SYTL5: variants seen among roughly 807,000 people sequenced by gnomAD.
SYTL5 encodes synaptotagmin like 5.
In SYTL5, 34 loss-of-function variants were observed where a neutral mutation model predicts 55.9. The ratio of observed to expected loss-of-function variants is 0.61; its 90% CI spans 0.46 to 0.81. The LOEUF is 0.81. SYTL5 is among the 30% of genes least tolerant of loss of function. The pLI, the probability that SYTL5 is intolerant of heterozygous loss-of-function variation, is 0.00. For missense variants in SYTL5, 637 were observed against 546.7 expected (o/e 1.17, Z -1.65); for synonymous variants, 221 against 188.7 (o/e 1.17, Z -1.40).
intron 1 of SYTL5, among the ~76,000 whole-genome samples, chrX:38,009,961 T>C (rs1319433707): frequency 8.9e-6 from 1 of 112,028 alleles, no homozygotes; most frequent in Admixed American, 9.5e-5. Context: ...GAAGAATAAC[T>C]CAGTAGCAGA....
chrX:38,116,788 C>T (rs1047057982), intron 13 of SYTL5, among the ~76,000 whole-genome samples: 3 of 112,288 alleles, frequency 2.7e-5, no homozygotes, highest in African/African-American at 9.7e-5. Flanking sequence ...AGGGGACTAA[C>T]TAATGCAGCT....
In SYTL5 at chrX:38,106,703, G is replaced by A; in HGVS notation, c.1266G>A (p.Gly422=). ...LHISYCYKTG[G]LYIFVKNCRN... is the part of the protein sequence containing the mutation. ...TCAGCTACTGCTACAAAACTGGTGG[G>A]CTGTACATTTTTGTCAAGAATTGCA... is the stretch of plus-strand genomic sequence containing the variant. Residue 422 remains glycine, a synonymous_variant, in exon 11 of 17, where the codon GGG becomes GGA. Transcript: ENST00000297875. The A allele has an allele frequency of 8.3e-7, 1 of 1,208,266 alleles. No homozygotes were observed. The highest frequency in any genetic ancestry group is 1.1e-6 in the Non-Finnish European group (1 of 894,376).
the SYTL5 span, among the ~76,000 whole-genome samples, chrX:37,902,010 T>G: frequency 8.9e-6 from 1 of 112,427 alleles, no homozygotes; most frequent in Non-Finnish European, 1.9e-5. Context: ...AAATAGTATA[T>G]ATGTAATAGG....
At chrX:38,120,315 A>C in intron 13 of SYTL5, 43 bp from the exon 14 acceptor site, 1 of 967,794 alleles carries the variant, frequency 1.0e-6, no homozygotes, top group South Asian at 1.9e-5. Context: ...ATACTAAGCC[A>C]ATCATCCATA....
intron 3 of SYTL5, among the ~76,000 whole-genome samples, chrX:38,063,549 A>C (rs935102214): frequency 1.8e-5 from 2 of 111,674 alleles, no homozygotes; most frequent in Non-Finnish European, 3.8e-5. Flanking sequence ...GAATTAGAAC[A>C]TCTTGTTTTG....
the SYTL5 span, among the ~76,000 whole-genome samples, chrX:37,947,072 CT>C: frequency 1.8e-5 from 2 of 110,993 alleles, no homozygotes; most frequent in Non-Finnish European, 3.8e-5. Context: ...TCCTCCTCTC[CT>C]TAAACTTTCC....
At chrX:37,966,233 T>C in the SYTL5 span, among the ~76,000 whole-genome samples, 1 of 110,686 alleles carries the variant, frequency 9.0e-6, no homozygotes, top group Non-Finnish European at 1.9e-5. Context: ...ATTGATCCGC[T>C]TTGATTCCTT....
At chrX:38,064,650 G>A (rs1332761398) in intron 3 of SYTL5, among the ~76,000 whole-genome samples, 9 of 110,794 alleles carry the variant, frequency 8.1e-5, no homozygotes, top group African/African-American at 2.9e-4. Flanking sequence ...ATTTCTTTTG[G>A]TTAATAGCTG....
intron 6 of SYTL5, among the ~76,000 whole-genome samples, chrX:38,082,330 T>A (rs1385614487): frequency 8.9e-6 from 1 of 112,137 alleles, no homozygotes; most frequent in Non-Finnish European, 1.9e-5. Context: ...GCTACCTAAA[T>A]ATGTATTATG....
At chrX:37,973,963 T>C in the SYTL5 span, among the ~76,000 whole-genome samples, 1 of 111,585 alleles carries the variant, frequency 9.0e-6, no homozygotes, top group Admixed American at 9.5e-5. Context: ...GCAAGAAGAA[T>C]ACTGAATAAT....
the SYTL5 span, among the ~76,000 whole-genome samples, chrX:37,953,210 A>G: frequency 9.0e-6 from 1 of 111,700 alleles, no homozygotes; most frequent in African/African-American, 3.2e-5. Context: ...CAGTGGAGAG[A>G]ACTGGTCTGG....
chrX:38,046,532 G>C (rs776071736), intron 2 of SYTL5, among the ~76,000 whole-genome samples: 69 of 111,524 alleles, frequency 6.2e-4, no homozygotes, highest in African/African-American at 2.2e-3. Flanking sequence ...TTTCCCACCA[G>C]GTCCCTCCCA....
chrX:38,007,370 G>C (rs1183500269), intron 1 of SYTL5, among the ~76,000 whole-genome samples: 2 of 111,187 alleles, frequency 1.8e-5, no homozygotes, highest in Non-Finnish European at 3.8e-5. Context: ...CCTTAATGTA[G>C]ATTGTTTTAA....
chrX:38,099,757 C>A (rs767453680), intron 9 of SYTL5, among the ~76,000 whole-genome samples: 2 of 111,186 alleles, frequency 1.8e-5, no homozygotes, highest in African/African-American at 3.3e-5. Context: ...TTTTCTTTAT[C>A]TCATTTGTTG....
the SYTL5 span, among the ~76,000 whole-genome samples, chrX:37,964,887 T>C: frequency 2.7e-5 from 3 of 111,266 alleles, no homozygotes; most frequent in Non-Finnish European, 5.7e-5. Context: ...TTGGGTAAGG[T>C]AATCTCTTAT....
intron 3 of SYTL5, among the ~76,000 whole-genome samples, chrX:38,064,631 T>C (rs1936051021): frequency 9.0e-6 from 1 of 111,541 alleles, no homozygotes; most frequent in Non-Finnish European, 1.9e-5. Flanking sequence ...ATTAATACAA[T>C]TACATCAAAT....
At chrX:38,104,370 C>G (rs999028205) in intron 10 of SYTL5, among the ~76,000 whole-genome samples, 1 of 111,792 alleles carries the variant, frequency 8.9e-6, no homozygotes, top group African/African-American at 3.3e-5. Flanking sequence ...TCAGACCTCA[C>G]CCCAGACTGA....
the SYTL5 span, among the ~76,000 whole-genome samples, chrX:37,912,024 C>T: frequency 8.9e-6 from 1 of 112,156 alleles, no homozygotes; most frequent in Non-Finnish European, 1.9e-5. Flanking sequence ...TTTCTAGCTG[C>T]CCCATTTACT....
chrX:38,114,423 C>G (rs1386857045), intron 13 of SYTL5, among the ~76,000 whole-genome samples: 1 of 111,957 alleles, frequency 8.9e-6, no homozygotes, highest in East Asian at 2.8e-4. Context: ...TTACATTGAA[C>G]TTTCTGTATA....
Sources: gnomAD v4.1 joint callset for allele counts (sites outside exome capture counted in the v4.1 genomes callset) on GRCh38, gnomAD v4.1.1 for gene constraint, MANE v1.5 for transcripts, NCBI Gene and HGNC (gene_info 2026-07-23, HGNC 2026-07-21) for gene names.